CADPS2: variants seen among roughly 807,000 people sequenced by gnomAD.
CADPS2 encodes the protein calcium-dependent secretion activator 2.
A neutral mutation model predicts 172.5 loss-of-function variants in CADPS2; 93 were observed. That is an observed-to-expected ratio of 0.54 (90% CI 0.46 to 0.64). The LOEUF (loss-of-function observed/expected upper bound fraction) is 0.64, where lower values mean the gene tolerates loss of function less well. Ranked by LOEUF, CADPS2 falls within the 30% of genes least tolerant of loss-of-function variation. The probability of loss-of-function intolerance (pLI) is 0.00; values close to 1 mark genes in which losing one functional copy is unlikely to be tolerated. For synonymous variants in CADPS2, 546 were observed against 555.2 expected, an observed-to-expected ratio of 0.98 and a Z score of 0.23; for missense variants, 1,420 against 1,565.9, an observed-to-expected ratio of 0.91 and a Z score of 1.57.
intron 1 of CADPS2, among the ~76,000 whole-genome samples, chr7:122,847,936 T>C (rs75122564): frequency 1.7e-3 from 252 of 152,290 alleles, no homozygotes; most frequent in African/African-American, 5.8e-3. Context: ...TAAAACATCA[T>C]CCTATATGAA....
At chr7:122,607,222 T>C (rs2073690926) in intron 6 of CADPS2, among the ~76,000 whole-genome samples, 1 of 152,138 alleles carries the variant, frequency 6.6e-6, no homozygotes, top group African/African-American at 2.4e-5. Flanking sequence ...GGTTTTGAAA[T>C]GTGTAAGTCT....
rs536727987 is a variant in CADPS2, at chr7:122,351,165, G to A, written c.3505-5484C>T. On this transcript the variant is annotated intron_variant, in intron 27 of 29. Transcript: ENST00000449022. ...CAGATCACGAAGTCAGGAGATAAGA[G>A]ACCATCCTGGCTAACACGGTGTGTT... Among the ~76,000 whole-genome samples, 7 of 151,440 alleles carry A rather than the reference G, an allele frequency of 4.6e-5. 1 individual carries two copies. The highest frequency in any genetic ancestry group is 2.6e-4 in the Admixed American group (4 of 15,164).
chr7:122,498,794 T>C, intron 9 of CADPS2, among the ~76,000 whole-genome samples: 1 of 152,166 alleles, frequency 6.6e-6, no homozygotes, highest in East Asian at 1.9e-4. Context: ...CTTATAAATT[T>C]CATCACCTTA....
chr7:122,680,521 C>A lies in CADPS2; in HGVS notation c.454-16952G>T, dbSNP rs572312205. 4.3e-4 allele frequency among the ~76,000 whole-genome samples: 66 copies of A among 152,146 alleles called. 1 individual carries two copies. The highest frequency in any genetic ancestry group is 8.5e-4 in the Non-Finnish European group (58 of 68,042). On this transcript the variant is annotated intron_variant, in intron 2 of 29. Coordinates refer to ENST00000449022, the MANE Select transcript of CADPS2 (RefSeq NM_017954.11). ...CTGAGGTCAGGAGTTCGAGACCAGC[C>A]TGGCCAACATGGCAAAAGCCTGTCT...
At chr7:122,390,874 G>C (rs2044280141) in intron 22 of CADPS2, among the ~76,000 whole-genome samples, 1 of 151,898 alleles carries the variant, frequency 6.6e-6, no homozygotes. Context: ...AGTAGACTCT[G>C]AGATAATTTC....
At chr7:122,486,329 G>A (rs1390456328) in intron 11 of CADPS2, among the ~76,000 whole-genome samples, 3 of 152,182 alleles carry the variant, frequency 2.0e-5, no homozygotes, top group Non-Finnish European at 4.4e-5. Flanking sequence ...TTCTTGGGCG[G>A]AGGTAAAAAT....
chr7:122,341,109 G>C (rs1023897196), intron 28 of CADPS2, among the ~76,000 whole-genome samples: 2 of 152,160 alleles, frequency 1.3e-5, no homozygotes, highest in Non-Finnish European at 2.9e-5. Flanking sequence ...GAAACACTGA[G>C]TCTGAATACA....
intron 14 of CADPS2, among the ~76,000 whole-genome samples, chr7:122,461,918 C>G (rs1318588295): frequency 1.3e-5 from 2 of 151,990 alleles, no homozygotes; most frequent in African/African-American, 4.8e-5. Flanking sequence ...TTAATGGCAA[C>G]AAAGAAAATC....
chr7:122,370,836 G>A (rs186096785), intron 25 of CADPS2, among the ~76,000 whole-genome samples: 2 of 152,344 alleles, frequency 1.3e-5, no homozygotes, highest in Admixed American at 6.5e-5. Flanking sequence ...AGTTTAAGAT[G>A]TGGGGGAGAG....
intron 7 of CADPS2, among the ~76,000 whole-genome samples, chr7:122,577,447 T>G (rs1270437949): frequency 6.6e-6 from 1 of 152,018 alleles, no homozygotes; most frequent in African/African-American, 2.4e-5. Context: ...TGGGTTTGAC[T>G]TCTTCCATTT....
chr7:122,707,490 C>T (rs981959557), intron 2 of CADPS2, among the ~76,000 whole-genome samples: 4 of 152,060 alleles, frequency 2.6e-5, no homozygotes, highest in East Asian at 1.9e-4. Flanking sequence ...AATCACATTG[C>T]ACTGCTCAGA....
intron 2 of CADPS2, among the ~76,000 whole-genome samples, chr7:122,723,060 T>C (rs910641514): frequency 2.7e-4 from 41 of 151,898 alleles, no homozygotes; most frequent in African/African-American, 8.2e-4. Flanking sequence ...AATGTTAGAC[T>C]TAAAACCATA....
At chr7:122,677,180 AAT>A (rs1247516279) in intron 2 of CADPS2, among the ~76,000 whole-genome samples, 5 of 152,354 alleles carry the variant, frequency 3.3e-5, no homozygotes, top group South Asian at 2.1e-4. Flanking sequence ...TATACAAACC[AAT>A]ATGCCTGTGG....
chr7:122,417,661 C>T (rs2048085646), intron 17 of CADPS2, among the ~76,000 whole-genome samples: 2 of 152,154 alleles, frequency 1.3e-5, no homozygotes, highest in South Asian at 4.1e-4. Flanking sequence ...GCCGCTCTAG[C>T]TGTTCTAATT....
chr7:122,612,985 T>C (rs2074473260), intron 6 of CADPS2, among the ~76,000 whole-genome samples: 1 of 152,088 alleles, frequency 6.6e-6, no homozygotes, highest in African/African-American at 2.4e-5. Context: ...GACAACTGAA[T>C]AGTTCCATGT....
chr7:122,514,627 C>T (rs2130865891), intron 8 of CADPS2, among the ~76,000 whole-genome samples: 1 of 152,088 alleles, frequency 6.6e-6, no homozygotes, highest in South Asian at 2.1e-4. Context: ...AATAGTCATA[C>T]TCTTTCATTC....
intron 14 of CADPS2, among the ~76,000 whole-genome samples, chr7:122,454,344 C>G (rs2053496147): frequency 1.3e-5 from 2 of 152,058 alleles, no homozygotes; most frequent in Admixed American, 1.3e-4. Flanking sequence ...TTCCCAAGGT[C>G]ACACCGCTGG....
At chr7:122,679,627 G>C (rs1385083060) in intron 2 of CADPS2, among the ~76,000 whole-genome samples, 1 of 152,064 alleles carries the variant, frequency 6.6e-6, no homozygotes, top group Non-Finnish European at 1.5e-5. Context: ...CCTCCCCTTT[G>C]AAAATTGCTG....
rs752506653 is a variant in CADPS2 at position 122,438,395 on chromosome 7, C to T, written c.2422G>A (p.Glu808Lys). Residue 808 changes from glutamate (E) to lysine (K), a missense_variant, in exon 17 of 30, where the codon GAG (glutamate) becomes AAG (lysine). Physicochemically the swap from Glu to Lys is moderately conservative, Grantham distance 56. Coordinates refer to ENST00000449022, the MANE Select transcript of CADPS2 (RefSeq NM_017954.11). The part of the protein sequence containing the change: ...EVKKVVRKCL[E>K]KAALINYTRL... ...GTGTAATTGATCAAGGCAGCTTTCT[C>T]GAGACATTTTCTGACCACTTTCTTC... The T allele has an allele frequency of 3.7e-6, 6 of 1,613,040 alleles. No individual in the cohort carries two copies. Among genetic ancestry groups the T allele is most frequent in the African/African-American group, 1.3e-5 (1 of 74,860 alleles).
Sources: allele counts gnomAD v4.1 joint callset (sites outside exome capture counted in the v4.1 genomes callset), GRCh38; gene constraint gnomAD v4.1.1; transcripts MANE v1.5; gene names NCBI Gene and HGNC (gene_info 2026-07-23, HGNC 2026-07-21).